VAT1L: variants seen among roughly 807,000 people sequenced by gnomAD.
VAT1L encodes putative NADPH-dependent quinone oxidoreductase VAT1L.
Under a neutral mutation model 44.1 loss-of-function variants are expected in VAT1L, and 34 were observed. The observed-to-expected ratio is 0.77, with a 90% CI of 0.59 to 1.03. The LOEUF (loss-of-function observed/expected upper bound fraction) is 1.03, where lower values mean the gene tolerates loss of function less well. Among genes scored for constraint, VAT1L ranks in the 50% least tolerant of loss-of-function variants. The pLI, the probability that VAT1L is intolerant of heterozygous loss-of-function variation, is 0.00. For synonymous variants in VAT1L, 253 were observed against 202.2 expected, an observed-to-expected ratio of 1.25 and a Z score of -2.13; for missense variants, 615 against 538.8, an observed-to-expected ratio of 1.14 and a Z score of -1.40.
At chr16:77,971,166 G>C (rs1251215040) in intron 7 of VAT1L, among the ~76,000 whole-genome samples, 1 of 152,042 alleles carries the variant, frequency 6.6e-6, no homozygotes, top group African/African-American at 2.4e-5. Flanking sequence ...TCAACAGTTG[G>C]AATTCCACAT....
intron 3 of VAT1L, among the ~76,000 whole-genome samples, chr16:77,849,903 C>T (rs748781322): frequency 3.3e-5 from 5 of 152,170 alleles, no homozygotes; most frequent in Admixed American, 6.5e-5. Context: ...CTGGCAGAAA[C>T]GGAGCAATGA....
chr16:77,929,089 C>G (rs986409436), intron 7 of VAT1L, among the ~76,000 whole-genome samples: 1 of 152,212 alleles, frequency 6.6e-6, no homozygotes, highest in African/African-American at 2.4e-5. Context: ...GCTAGGATTA[C>G]AGGTGTGAGC....
At chr16:77,890,726 C>A (rs2017255595) in intron 7 of VAT1L, among the ~76,000 whole-genome samples, 1 of 150,706 alleles carries the variant, frequency 6.6e-6, no homozygotes, top group Admixed American at 6.6e-5. Flanking sequence ...AGTTCAAGAC[C>A]AGCCTGAGCA....
rs75777287 is a variant in VAT1L, at chr16:77,957,164, A to G, written c.1078-14686A>G. On this transcript the variant is annotated intron_variant, in intron 7 of 8. Transcript: ENST00000302536. ...CCTTTCAAAGATAGCTCCCCACTTG[A>G]GAACTTTCAAGGTTTTGAAGGGTCT... Among the ~76,000 whole-genome samples the G allele has an allele frequency of 5.2e-4, 79 of 152,344 alleles. No individual in the cohort carries two copies. The East Asian group carries it at 0.014, about 26-fold the overall frequency.
intron 7 of VAT1L, among the ~76,000 whole-genome samples, chr16:77,946,279 C>CTTTTTTTTTTTCTTTTTTT (rs2017964072): frequency 1.4e-5 from 1 of 70,428 alleles, no homozygotes; most frequent in Non-Finnish European, 2.5e-5. Context: ...GTTACTTGTT[C>CTTTTTTTTTTTCTTTTTTT]TTTTTTTTTT....
intron 7 of VAT1L, among the ~76,000 whole-genome samples, chr16:77,966,480 G>C (rs1019547942): frequency 6.6e-6 from 1 of 152,320 alleles, no homozygotes; most frequent in East Asian, 1.9e-4. Context: ...AGAGAGCCCA[G>C]TGAACTTCAG....
At chr16:77,817,974 C>T (rs187775913) in intron 2 of VAT1L, among the ~76,000 whole-genome samples, 10 of 152,264 alleles carry the variant, frequency 6.6e-5, no homozygotes, top group Non-Finnish European at 1.0e-4. Context: ...CCCTGCAAAG[C>T]AAAGATTGTT....
intron 7 of VAT1L, among the ~76,000 whole-genome samples, chr16:77,962,464 G>A (rs1458225036): frequency 3.3e-5 from 5 of 152,102 alleles, no homozygotes; most frequent in Admixed American, 3.3e-4. Context: ...CCCTCTAAGT[G>A]GGGCCCAGGT....
intron 4 of VAT1L, among the ~76,000 whole-genome samples, chr16:77,863,374 A>G (rs1393328913): frequency 6.6e-6 from 1 of 152,112 alleles, no homozygotes; most frequent in Non-Finnish European, 1.5e-5. Flanking sequence ...AAGAACACAC[A>G]CCCTTCTCAT....
At chr16:77,863,020 C>T in intron 4 of VAT1L, 130 bp downstream of exon 4, 1 of 1,155,766 alleles carries the variant, frequency 8.7e-7, no homozygotes, top group Non-Finnish European at 1.2e-6. Flanking sequence ...GTATTATTAG[C>T]TCTGTGCCAA....
At chr16:77,841,936 G>A (rs1178048838) in intron 3 of VAT1L, among the ~76,000 whole-genome samples, 1 of 151,338 alleles carries the variant, frequency 6.6e-6, no homozygotes, top group African/African-American at 2.4e-5. Context: ...TGCCCAGGCT[G>A]TAGTGCAGTG....
chr16:77,940,104 A>C (rs1224622868), intron 7 of VAT1L, among the ~76,000 whole-genome samples: 1 of 152,222 alleles, frequency 6.6e-6, no homozygotes, highest in East Asian at 1.9e-4. Flanking sequence ...GAGTCTCAAC[A>C]AGCTCAAAAT....
chr16:77,789,207 C>T (rs545583699), intron 1 of VAT1L, among the ~76,000 whole-genome samples: 1 of 152,288 alleles, frequency 6.6e-6, no homozygotes, highest in African/African-American at 2.4e-5. Flanking sequence ...CGGGAGTTCT[C>T]CGTCTGAGAG....
chr16:77,861,043 A>C lies in VAT1L; in HGVS notation c.580-1705A>C, dbSNP rs1224287655. On this transcript the variant is annotated intron_variant, in intron 3 of 8. Coordinates refer to ENST00000302536, the MANE Select transcript of VAT1L (RefSeq NM_020927.3). The stretch of plus-strand genomic sequence containing the variant: ...ATGTCTTTTCCTTTATCTATAGAGC[A>C]GTCAGGGGAGGGGGTAATTGGATGA... Among the ~76,000 whole-genome samples, 13 of 152,206 alleles carry C rather than the reference A, an allele frequency of 8.5e-5. 1 individual carries two copies. The highest frequency in any genetic ancestry group is 8.5e-4 in the Admixed American group (13 of 15,282).
intron 7 of VAT1L, among the ~76,000 whole-genome samples, chr16:77,940,686 C>T (rs942690059): frequency 6.6e-6 from 1 of 152,088 alleles, no homozygotes; most frequent in Non-Finnish European, 1.5e-5. Flanking sequence ...GAATTTTGCA[C>T]CCAGCTCAAT....
chr16:77,961,655 T>G (rs908125459), intron 7 of VAT1L, among the ~76,000 whole-genome samples: 2 of 152,174 alleles, frequency 1.3e-5, no homozygotes, highest in African/African-American at 4.8e-5. Context: ...AGGAATTTCC[T>G]GCCATTTTCC....
rs757435504 is a variant in VAT1L, at chr16:77,825,419, G to T, written c.537G>T (p.Arg179=). ...TGCTGTTTGAAGTTGCCAACCTCCG[G>T]GAAGGGATGTCTGTGCTCGTGCACT... ...YVMLFEVANL[R]EGMSVLVHSA... The change falls in exon 3 of 9, where the codon CGG becomes CGT. Residue 179 remains arginine, a synonymous_variant. Coordinates refer to ENST00000302536, the MANE Select transcript of VAT1L (RefSeq NM_020927.3). 36 of 1,608,630 alleles carry T rather than the reference G, an allele frequency of 2.2e-5. No individual in the cohort carries two copies. Among genetic ancestry groups the T allele is most frequent in the Non-Finnish European group, 3.0e-5 (35 of 1,177,224 alleles).
At chr16:77,850,486 G>A (rs1395540705) in intron 3 of VAT1L, among the ~76,000 whole-genome samples, 2 of 152,080 alleles carry the variant, frequency 1.3e-5, no homozygotes, top group Non-Finnish European at 2.9e-5. Context: ...TTAATATTAG[G>A]ATGACTATAT....
rs569823112 is a variant in VAT1L at position 77,930,500 on chromosome 16, TA to T, written c.1078-41348del. Among the ~76,000 whole-genome samples, 40 of 152,278 alleles carry T rather than the reference TA, an allele frequency of 2.6e-4. No individual in the cohort carries two copies. The East Asian group carries it at 5.8e-3, about 22-fold the overall frequency. ...GGTACGGAAGGAGGTGTGAGGTAGATAACCCCTCGCTGAATCAAACTCAAAG... is the reference window on the plus strand; with the variant it reads ...GGTACGGAAGGAGGTGTGAGGTAGATACCCCTCGCTGAATCAAACTCAAAG... On this transcript the variant is annotated intron_variant, in intron 7 of 8. Coordinates refer to ENST00000302536, the MANE Select transcript of VAT1L (RefSeq NM_020927.3).
Sources: allele counts gnomAD v4.1 joint callset (sites outside exome capture counted in the v4.1 genomes callset), GRCh38; gene constraint gnomAD v4.1.1; transcripts MANE v1.5; gene names NCBI Gene and HGNC (gene_info 2026-07-23, HGNC 2026-07-21).